The following DENND1A variants were observed in gnomAD, a reference collection of about 807,000 sequenced individuals.
DENND1A encodes the protein DENN domain-containing protein 1A.
In DENND1A, 51 loss-of-function variants were observed where a neutral mutation model predicts 113.7. That is an observed-to-expected ratio of 0.45 (90% CI 0.36 to 0.57). The LOEUF is 0.57. Among genes scored for constraint, DENND1A ranks in the 20% least tolerant of loss-of-function variants. The pLI, the probability that DENND1A is intolerant of heterozygous loss-of-function variation, is 0.00. For synonymous variants in DENND1A, 565 were observed against 570.8 expected, an observed-to-expected ratio of 0.99 and a Z score of 0.14; for missense variants, 1,258 against 1,395.9, an observed-to-expected ratio of 0.90 and a Z score of 1.57.
intron 10 of DENND1A, among the ~76,000 whole-genome samples, chr9:123,615,483 G>C (rs1479875900): frequency 6.6e-6 from 1 of 152,140 alleles, no homozygotes; most frequent in East Asian, 1.9e-4. Context: ...ACAAGACCTA[G>C]GAGCTTCTAC....
chr9:123,751,077 A>G (rs2069985349), intron 5 of DENND1A: 1 of 152,216 alleles, frequency 6.6e-6, no homozygotes, highest in African/African-American at 2.4e-5. Context: ...CTGAGGAAAC[A>G]GAGTCCTTTG....
intron 21 of DENND1A, among the ~76,000 whole-genome samples, chr9:123,397,182 T>A (rs1030228694): frequency 6.6e-6 from 1 of 152,022 alleles, no homozygotes; most frequent in Admixed American, 6.6e-5. Flanking sequence ...TTTTTTAGAG[T>A]CTCACTCTGT....
intron 1 of DENND1A, among the ~76,000 whole-genome samples, chr9:123,901,183 C>T (rs1339057364): frequency 6.6e-6 from 1 of 152,086 alleles, no homozygotes; most frequent in Non-Finnish European, 1.5e-5. Flanking sequence ...GGATACTGTA[C>T]AGAGACTGGA....
chr9:123,744,948 GTATTTT>G (rs2069362375), intron 5 of DENND1A, among the ~76,000 whole-genome samples: 1 of 151,860 alleles, frequency 6.6e-6, no homozygotes, highest in Admixed American at 6.6e-5. Flanking sequence ...GCTAATTTTT[GTATTTT>G]TAGGAGAGAC....
chr9:123,514,121 T>A (rs2053694235), intron 13 of DENND1A, among the ~76,000 whole-genome samples: 1 of 146,746 alleles, frequency 6.8e-6, no homozygotes, highest in South Asian at 2.2e-4. Context: ...TGTGTGTGTG[T>A]CCATGACACC....
At chr9:123,607,520 C>CAGAGAGAGAG (rs33997878) in intron 11 of DENND1A, among the ~76,000 whole-genome samples, 4 of 73,748 alleles carry the variant, frequency 5.4e-5, no homozygotes, top group Non-Finnish European at 1.0e-4. Flanking sequence ...CACACACACA[C>CAGAGAGAGAG]AGAGAGAGAG....
intron 19 of DENND1A, chr9:123,437,498 ATCT>A (rs2046613381): frequency 6.6e-6 from 1 of 152,262 alleles, no homozygotes; most frequent in Non-Finnish European, 1.5e-5. Flanking sequence ...GGCAAGCTAA[ATCT>A]TCTTAAATAA....
At chr9:123,891,993 G>A (rs1849980216) in intron 1 of DENND1A, among the ~76,000 whole-genome samples, 1 of 152,216 alleles carries the variant, frequency 6.6e-6, no homozygotes. Flanking sequence ...CTGGAGCTGA[G>A]AGACAGAGCT....
At chr9:123,590,803 T>C (rs1026865874) in intron 11 of DENND1A, among the ~76,000 whole-genome samples, 5 of 152,218 alleles carry the variant, frequency 3.3e-5, no homozygotes, top group South Asian at 2.1e-4. Flanking sequence ...TGATCAGTTA[T>C]ACCTCAATGA....
intron 10 of DENND1A, among the ~76,000 whole-genome samples, chr9:123,619,058 C>T (rs1220547198): frequency 6.6e-6 from 1 of 152,152 alleles, no homozygotes. Flanking sequence ...AGTGATTCTC[C>T]TGCCTCAGCC....
intron 1 of DENND1A, among the ~76,000 whole-genome samples, chr9:123,898,292 T>C (rs1851083392): frequency 6.6e-6 from 1 of 152,216 alleles, no homozygotes; most frequent in African/African-American, 2.4e-5. Context: ...TATTGAGTTA[T>C]GAGGGTCTCA....
chr9:123,914,520 G>T (rs1221322383), intron 1 of DENND1A, among the ~76,000 whole-genome samples: 1 of 147,862 alleles, frequency 6.8e-6, no homozygotes, highest in Admixed American at 6.7e-5. Context: ...ACTCCAGCCT[G>T]GGCAACAGAG....
chr9:123,429,071 C>T (rs931618375), intron 19 of DENND1A, among the ~76,000 whole-genome samples: 1 of 152,114 alleles, frequency 6.6e-6, no homozygotes, highest in African/African-American at 2.4e-5. Context: ...AAAAAAGAGC[C>T]CGAATAGCCA....
intron 18 of DENND1A, 36 bp downstream of exon 18, chr9:123,450,657 T>C: frequency 6.3e-7 from 1 of 1,581,984 alleles, no homozygotes; most frequent in Non-Finnish European, 8.6e-7. Flanking sequence ...ATTTCATACA[T>C]GGTGCTTATA....
chr9:123,737,199 T>C (rs1328007250), intron 5 of DENND1A, among the ~76,000 whole-genome samples: 5 of 152,160 alleles, frequency 3.3e-5, no homozygotes, highest in Non-Finnish European at 7.4e-5. Flanking sequence ...GTTGTTGTTG[T>C]TGTACTTGTT....
At position 123,852,114 on chromosome 9, in the gene DENND1A, C is replaced by T. The variant is rs1234037826; in HGVS notation, c.88+26837G>A. ...AGTGTCTTCGGCAGTTATCTTCTGC[C>T]TGTCCCGCCATTACACTCTGGGGAA... On this transcript the variant is annotated intron_variant, in intron 2 of 23. Transcript: ENST00000394215. 3.3e-5 allele frequency among the ~76,000 whole-genome samples: 5 copies of T among 152,322 alleles called. No homozygotes were observed. In the East Asian group the frequency reaches 9.7e-4, roughly 29 times the overall value.
intron 18 of DENND1A, among the ~76,000 whole-genome samples, chr9:123,442,030 G>C (rs2046967800): frequency 6.6e-6 from 1 of 152,206 alleles, no homozygotes; most frequent in Non-Finnish European, 1.5e-5. Context: ...ATGGTAGCAT[G>C]AAGATTAAAG....
At chr9:123,798,354 T>G (rs1834084270) in intron 2 of DENND1A, 1 of 152,210 alleles carries the variant, frequency 6.6e-6, no homozygotes, top group Admixed American at 6.5e-5. Context: ...CCGATGTGAC[T>G]ATTTATGCAT....
At chr9:123,411,957 G>C (rs2044338715) in intron 19 of DENND1A, 128 bp from the exon 20 acceptor site, 9 of 383,404 alleles carry the variant, frequency 2.3e-5, no homozygotes, top group Non-Finnish European at 2.8e-5. Context: ...GACGCCTCCT[G>C]CCTCGCCCCC....
Sources: allele counts gnomAD v4.1 joint callset (sites outside exome capture counted in the v4.1 genomes callset), GRCh38; gene constraint gnomAD v4.1.1; transcripts MANE v1.5; gene names NCBI Gene and HGNC (gene_info 2026-07-23, HGNC 2026-07-21).